The following USP13 variants were observed in gnomAD, a reference collection of about 807,000 sequenced individuals.
USP13 encodes ubiquitin specific peptidase 13.
In USP13, 68 loss-of-function variants were observed where a neutral mutation model predicts 107.8. That is an observed-to-expected ratio of 0.63 (90% CI 0.52 to 0.77). The LOEUF (loss-of-function observed/expected upper bound fraction) is 0.77. Ranked by LOEUF, USP13 falls within the 30% of genes least tolerant of loss-of-function variation. The pLI is 0.00. For missense variants in USP13, 945 were observed against 1,093.3 expected (o/e 0.86, Z 1.91); for synonymous variants, 377 against 389.5 (o/e 0.97, Z 0.38).
At chr3:179,761,284 G>T (rs760592713) in intron 17 of USP13, 29 bp downstream of exon 17, 1 of 1,613,146 alleles carries the variant, frequency 6.2e-7, no homozygotes, top group Non-Finnish European at 8.5e-7. Flanking sequence ...GAATGGCTTT[G>T]GAGTCTGATG....
Position 179,742,061 on chromosome 3 carries a change from C to A in USP13, c.1381-136C>A. On this transcript the variant is annotated intron_variant, in intron 11 of 20. Coordinates refer to ENST00000263966, the MANE Select transcript of USP13 (RefSeq NM_003940.3). The surrounding 1 kb of genome is among the most constrained non-coding windows in gnomAD (Gnocchi z 5.0). ...ATTCCAGTGTTTTTCTATTAAAGTGCTTTGGTGAATGGGCATGGCCAGAGG... is the reference window on the plus strand; with the variant it reads ...ATTCCAGTGTTTTTCTATTAAAGTGATTTGGTGAATGGGCATGGCCAGAGG... 1.9e-6 allele frequency: 2 copies of A among 1,046,168 alleles called. No individual in the cohort carries two copies. Among genetic ancestry groups the A allele is most frequent in the Non-Finnish European group, 2.7e-6 (2 of 743,622 alleles). 64.8% of individuals were successfully genotyped at this position (1,046,168 alleles called of 1,614,324 possible).
intron 3 of USP13, among the ~76,000 whole-genome samples, chr3:179,693,222 C>A (rs1002149798): frequency 2.0e-5 from 3 of 151,954 alleles, no homozygotes; most frequent in African/African-American, 7.3e-5. Flanking sequence ...AATCATAGCT[C>A]CCTGCAGCCT....
chr3:179,711,777 G>A (rs189118846), intron 6 of USP13, among the ~76,000 whole-genome samples: 68 of 152,230 alleles, frequency 4.5e-4, no homozygotes, highest in African/African-American at 1.6e-3. Flanking sequence ...GCCCGAGGCT[G>A]TTGTACAGTT....
chr3:179,751,095 C>T (rs958413786), intron 13 of USP13, among the ~76,000 whole-genome samples: 13 of 152,168 alleles, frequency 8.5e-5, no homozygotes, highest in African/African-American at 3.1e-4. Flanking sequence ...AGCTCATTTT[C>T]TTTTTTACAT....
chr3:179,756,149 G>T (rs953604640), intron 15 of USP13, among the ~76,000 whole-genome samples: 3 of 152,200 alleles, frequency 2.0e-5, no homozygotes, highest in Non-Finnish European at 4.4e-5. Flanking sequence ...AGAGGGCCAG[G>T]CGCGGTGGCT....
chr3:179,775,733 AC>A (rs1715508810), intron 19 of USP13, among the ~76,000 whole-genome samples: 1 of 151,952 alleles, frequency 6.6e-6, no homozygotes, highest in African/African-American at 2.4e-5. Context: ...CGGACCTGGC[AC>A]CCCCTCCACA....
At chr3:179,656,941 T>TA (rs1057316997) in intron 1 of USP13, among the ~76,000 whole-genome samples, 50 of 152,230 alleles carry the variant, frequency 3.3e-4, no homozygotes, top group African/African-American at 1.2e-3. Context: ...ATGGTGAGGA[T>TA]AAAACATATG....
intron 8 of USP13, among the ~76,000 whole-genome samples, chr3:179,727,492 C>T (rs1301269990): frequency 8.8e-6 from 1 of 113,786 alleles, no homozygotes; most frequent in Non-Finnish European, 1.9e-5. Context: ...GGTAAGGTCA[C>T]AGATCAACAG....
intron 1 of USP13, among the ~76,000 whole-genome samples, chr3:179,665,173 T>C (rs1489894442): frequency 6.6e-6 from 1 of 152,204 alleles, no homozygotes; most frequent in Non-Finnish European, 1.5e-5. Context: ...TCCTGTGCAC[T>C]CTGCACTGCA....
chr3:179,714,478 A>T (rs1379890192), intron 6 of USP13, among the ~76,000 whole-genome samples: 2 of 152,030 alleles, frequency 1.3e-5, no homozygotes, highest in Non-Finnish European at 2.9e-5. Context: ...CCCTGTTAAC[A>T]GTTTATTTAA....
At chr3:179,756,317 G>T (rs773720688) in intron 15 of USP13, among the ~76,000 whole-genome samples, 2 of 152,196 alleles carry the variant, frequency 1.3e-5, no homozygotes, top group Non-Finnish European at 2.9e-5. Context: ...CAGCTACTCA[G>T]GAGGCTGAGG....
intron 3 of USP13, among the ~76,000 whole-genome samples, chr3:179,698,423 A>G (rs184038058): frequency 4.6e-5 from 7 of 152,056 alleles, no homozygotes; most frequent in East Asian, 1.9e-4. Flanking sequence ...GATAATATCT[A>G]TGGTTTACAA....
chr3:179,747,115 G>T (rs1714439154), intron 13 of USP13, among the ~76,000 whole-genome samples: 1 of 152,164 alleles, frequency 6.6e-6, no homozygotes, highest in Non-Finnish European at 1.5e-5. Flanking sequence ...GTAGGTGTGG[G>T]TGGTTGTGTG....
At chr3:179,779,719 TAAAAAAAAAAA>T (rs113797839) in intron 19 of USP13, among the ~76,000 whole-genome samples, 1 of 103,854 alleles carries the variant, frequency 9.6e-6, no homozygotes, top group African/African-American at 3.4e-5. Context: ...AAGGGTTTGT[TAAAAAAAAAAA>T]AAAAAAAGAA....
chr3:179,670,333 TG>T (rs966040444), intron 1 of USP13, among the ~76,000 whole-genome samples: 63 of 152,352 alleles, frequency 4.1e-4, no homozygotes, highest in African/African-American at 1.5e-3. Flanking sequence ...CCACCCTTGC[TG>T]GGTCTCTGAT....
intron 2 of USP13, among the ~76,000 whole-genome samples, chr3:179,689,456 A>G (rs1261850010): frequency 6.6e-6 from 1 of 152,006 alleles, no homozygotes; most frequent in Non-Finnish European, 1.5e-5. Context: ...CAGGAGTTCA[A>G]GACCAGCCTG....
chr3:179,730,239 C>A lies in USP13; in HGVS notation c.1139C>A (p.Thr380Lys). Reference sequence around the variant, plus strand: ...TTTGACTACTCGCCTTTAGATCCAACACAAGATTTCAACACACAGATGTAA... The same window carrying A: ...TTTGACTACTCGCCTTTAGATCCAAAACAAGATTTCAACACACAGATGTAA... ...RIFDYSPLDPTQDFNTQMTKL... is the reference protein window; with the variant it reads ...RIFDYSPLDPKQDFNTQMTKL... The change falls in exon 9 of 21, where the codon ACA becomes AAA. Residue 380 changes from threonine (T) to lysine (K), a missense_variant. Coordinates refer to ENST00000263966, the MANE Select transcript of USP13 (RefSeq NM_003940.3). 6.2e-7 allele frequency: 1 copy of A among 1,612,306 alleles called. No homozygotes were observed. The highest frequency in any genetic ancestry group is 8.5e-7 in the Non-Finnish European group (1 of 1,179,624).
intron 2 of USP13, among the ~76,000 whole-genome samples, chr3:179,685,198 T>A (rs1711828197): frequency 6.6e-6 from 1 of 150,980 alleles, no homozygotes; most frequent in Admixed American, 6.6e-5. Flanking sequence ...TTTTTTTTTT[T>A]AACCATTACT....
intron 19 of USP13, among the ~76,000 whole-genome samples, chr3:179,779,658 G>A (rs541023315): frequency 2.0e-5 from 3 of 150,244 alleles, no homozygotes; most frequent in Admixed American, 6.6e-5. Flanking sequence ...GGTTTTGTAC[G>A]TAGCAGAGCA....
Sources: gnomAD v4.1 joint callset for allele counts (sites outside exome capture counted in the v4.1 genomes callset) on GRCh38, gnomAD v4.1.1 for gene constraint, Gnocchi (gnomAD v3.1) non-coding constraint, MANE v1.5 for transcripts, NCBI Gene and HGNC (gene_info 2026-07-23, HGNC 2026-07-21) for gene names.